Variants in SAFB2 observed in about 807,000 individuals in gnomAD.
The protein encoded by SAFB2 is scaffold attachment factor B2.
A neutral mutation model predicts 100.6 loss-of-function variants in SAFB2; 32 were observed. The observed-to-expected ratio is 0.32, with a 90% CI of 0.24 to 0.43. The LOEUF (loss-of-function observed/expected upper bound fraction) is 0.43. Among genes scored for constraint, SAFB2 ranks in the 20% least tolerant of loss-of-function variants. SAFB2 has a pLI of 1.00. For missense variants in SAFB2, 1,185 were observed against 1,163.4 expected (o/e 1.02, Z -0.27); for synonymous variants, 500 against 439.4 (o/e 1.14, Z -1.72).
intron 11 of SAFB2, 67 bp from the exon 12 acceptor site, chr19:5,600,327 G>A (rs533853782): frequency 6.3e-7 from 1 of 1,580,878 alleles, no homozygotes; most frequent in East Asian, 2.2e-5. Flanking sequence ...CTCACCCAGA[G>A]CCTCGACTCA....
At chr19:5,618,762 A>G (rs937630112) in intron 2 of SAFB2, among the ~76,000 whole-genome samples, 1 of 152,254 alleles carries the variant, frequency 6.6e-6, no homozygotes, top group Non-Finnish European at 1.5e-5. Context: ...CAGAAAAGCT[A>G]ATGTGGCGCA....
At chr19:5,592,461 A>C (rs1426040081) in intron 16 of SAFB2, among the ~76,000 whole-genome samples, 1 of 152,184 alleles carries the variant, frequency 6.6e-6, no homozygotes, top group African/African-American at 2.4e-5. Flanking sequence ...CTGCTGCCTC[A>C]CAAGAGAGCT....
intron 2 of SAFB2, among the ~76,000 whole-genome samples, chr19:5,617,361 A>G (rs2053054958): frequency 6.6e-6 from 1 of 152,202 alleles, no homozygotes; most frequent in Non-Finnish European, 1.5e-5. Context: ...TATTTGATAG[A>G]ATTCTGCTAG....
At chr19:5,599,428 T>C (rs1049529222) in intron 12 of SAFB2, among the ~76,000 whole-genome samples, 2 of 152,208 alleles carry the variant, frequency 1.3e-5, no homozygotes, top group South Asian at 2.1e-4. Flanking sequence ...GGGAGATTTA[T>C]AATACTTGAG....
intron 13 of SAFB2, chr19:5,598,537 G>A: frequency 2.0e-6 from 1 of 510,190 alleles, no homozygotes; most frequent in Non-Finnish European, 3.6e-6. Flanking sequence ...GAGCTGCCGT[G>A]TGAACCAATG....
intron 5 of SAFB2, 129 bp from the exon 6 acceptor site, chr19:5,612,696 A>AGG (rs2052934982): frequency 1.4e-6 from 1 of 714,482 alleles, no homozygotes; most frequent in Non-Finnish European, 2.4e-6. Flanking sequence ...TTGTCTCCAA[A>AGG]AAATGTATTC....
chr19:5,602,412 G>C (rs1301112082), intron 11 of SAFB2, among the ~76,000 whole-genome samples: 1 of 148,806 alleles, frequency 6.7e-6, no homozygotes, highest in Non-Finnish European at 1.5e-5. Flanking sequence ...CCCGGGAGGC[G>C]GAGCTTGCAG....
At chr19:5,619,799 C>T (rs912446632) in intron 2 of SAFB2, among the ~76,000 whole-genome samples, 6 of 151,262 alleles carry the variant, frequency 4.0e-5, no homozygotes, top group Admixed American at 1.3e-4. Flanking sequence ...GAGCCAAGAC[C>T]GCACCACTGC....
In SAFB2 at chr19:5,604,593, T is replaced by C. The variant is rs752450401; in HGVS notation, c.1549A>G (p.Lys517Glu). 2.5e-6 allele frequency: 4 copies of C among 1,613,486 alleles called. No individual in the cohort carries two copies. The highest frequency in any genetic ancestry group is 3.4e-6 in the Non-Finnish European group (4 of 1,179,480). Reference protein sequence around the residue: ...SVDRHHSVEIKIEKTVIKKEE... With the variant: ...SVDRHHSVEIEIEKTVIKKEE... ...GAAAATTCACTTTACTTTTCAATTTTGATCTCCACAGAATGATGTCTGTCG... is the reference window on the plus strand; with the variant it reads ...GAAAATTCACTTTACTTTTCAATTTCGATCTCCACAGAATGATGTCTGTCG... Residue 517 changes from lysine (K) to glutamate (E), a missense_variant, in exon 11 of 21, where the codon AAA (lysine) becomes GAA (glutamate). Transcript: ENST00000252542.
intron 2 of SAFB2, 30 bp from the exon 3 acceptor site, chr19:5,616,516 A>G (rs756022241): frequency 6.4e-7 from 1 of 1,573,322 alleles, no homozygotes; most frequent in Non-Finnish European, 8.7e-7. Context: ...TCAATCAGAT[A>G]ACACTCAAGT....
intron 9 of SAFB2, among the ~76,000 whole-genome samples, chr19:5,605,640 G>A (rs117317102): frequency 0.023 from 3,481 of 152,298 alleles, 65 homozygotes; most frequent in Non-Finnish European, 0.032. Context: ...TGGACTGTCA[G>A]AAATGTCCCC....
At chr19:5,609,893 C>T in intron 9 of SAFB2, 102 bp downstream of exon 9, 1 of 1,006,642 alleles carries the variant, frequency 9.9e-7, no homozygotes, top group South Asian at 1.4e-5. Flanking sequence ...CTGCCTCAGC[C>T]TCCCAAACTG....
chr19:5,597,303 C>G (rs1482176593), intron 13 of SAFB2, among the ~76,000 whole-genome samples: 2 of 152,132 alleles, frequency 1.3e-5, no homozygotes, highest in Non-Finnish European at 2.9e-5. Flanking sequence ...TGGTGGCGCA[C>G]ACCTCTAATC....
chr19:5,592,832 G>A lies in SAFB2; in HGVS notation c.2263C>T (p.Arg755Cys), dbSNP rs367861196. The change falls in exon 16 of 21, where the codon CGT becomes TGT. Residue 755 changes from arginine (R) to cysteine (C), a missense_variant. This residue lies in a region of SAFB2 where 740 missense variants were observed against 687.1 expected (regional missense o/e 1.08). Coordinates refer to ENST00000252542, the MANE Select transcript of SAFB2 (RefSeq NM_014649.3). The stretch of plus-strand genomic sequence containing the variant: ...TGGTCTGGCCGGGGAAAGTCTGCAC[G>A]ATATCGGTCCTCCATTGCCACACGC... Reference protein sequence around the residue: ...GKRVAMEDRYRADFPRPDHRF... With the variant: ...GKRVAMEDRYCADFPRPDHRF... 26 of 1,614,044 alleles carry A rather than the reference G, an allele frequency of 1.6e-5. No homozygotes were observed. Among genetic ancestry groups the A allele is most frequent in the East Asian group, 6.7e-5 (3 of 44,896 alleles).
chr19:5,618,402 G>C (rs1164950640), intron 2 of SAFB2, among the ~76,000 whole-genome samples: 1 of 151,926 alleles, frequency 6.6e-6, no homozygotes, highest in Middle Eastern at 3.2e-3. Flanking sequence ...AAACCTGCAG[G>C]GTCTACACCT....
At chr19:5,594,556 C>T (rs533256835) in intron 14 of SAFB2, among the ~76,000 whole-genome samples, 18 of 152,142 alleles carry the variant, frequency 1.2e-4, no homozygotes, top group African/African-American at 4.3e-4. Flanking sequence ...AAGGGAGCCG[C>T]GGCAAAATGA....
intron 5 of SAFB2, 146 bp downstream of exon 5, chr19:5,613,319 G>A: frequency 1.4e-6 from 1 of 705,922 alleles, no homozygotes; most frequent in Non-Finnish European, 2.4e-6. Context: ...CCAGCCCTGA[G>A]ACTGTTTCTC....
In SAFB2 at chr19:5,598,832, G is replaced by T. The variant is rs374708668; in HGVS notation, c.1743C>A (p.Pro581=). The change falls in exon 13 of 21, where the codon CCC becomes CCA. Residue 581 remains proline (P), a synonymous_variant. Coordinates refer to ENST00000252542, the MANE Select transcript of SAFB2 (RefSeq NM_014649.3). ...TVVMDKSKGE[P]VISVKTTSRS... ...TGCTTGTGGTTTTCACGCTAATGAC[G>T]GGCTCTCCTTTCGATTTATCCATCA... The T allele has an allele frequency of 3.7e-6, 6 of 1,613,938 alleles. No individual in the cohort carries two copies. Among genetic ancestry groups the T allele is most frequent in the Non-Finnish European group, 5.1e-6 (6 of 1,180,026 alleles).
intron 13 of SAFB2, among the ~76,000 whole-genome samples, chr19:5,598,134 C>CAAA (rs11347497): frequency 3.3e-5 from 2 of 61,188 alleles, no homozygotes; most frequent in Non-Finnish European, 7.3e-5. Context: ...GACTCCATCT[C>CAAA]AAAAAAAAAA....
Sources: allele counts gnomAD v4.1 joint callset (sites outside exome capture counted in the v4.1 genomes callset), GRCh38; gene constraint gnomAD v4.1.1; regional missense constraint gnomAD v4.1.1; transcripts MANE v1.5; gene names NCBI Gene and HGNC (gene_info 2026-07-23, HGNC 2026-07-21).